The following FRYL variants were observed in gnomAD, a reference collection of about 807,000 sequenced individuals.
The protein encoded by FRYL is protein furry homolog-like.
FRYL carries 150 observed loss-of-function variants against 351.2 expected under a neutral mutation model. The observed-to-expected ratio is 0.43, with a 90% CI of 0.37 to 0.49. FRYL has a LOEUF of 0.49. Among genes scored for constraint, FRYL ranks in the 20% least tolerant of loss-of-function variants. The probability of loss-of-function intolerance (pLI) is 0.00; values close to 1 mark genes in which losing one functional copy is unlikely to be tolerated. For synonymous variants in FRYL, 1,153 were observed against 1,257.1 expected (o/e 0.92, Z 1.75); for missense variants, 3,036 against 3,619.3 (o/e 0.84, Z 4.13).
intron 1 of FRYL, 94 bp from the exon 2 acceptor site, chr4:48,710,792 A>T: frequency 2.6e-6 from 1 of 389,460 alleles, no homozygotes; most frequent in Non-Finnish European, 4.5e-6. Flanking sequence ...CACTAATCAA[A>T]AGTCTGCAAG....
chr4:48,535,793 T>C lies in FRYL; in HGVS notation c.6428A>G (p.Asn2143Ser), dbSNP rs1280081850. ...GTACAAACTCATCATGTGTGCCAGATTGACAAGTGTTGGGCATTTTTCTTC... is the reference window on the plus strand; with the variant it reads ...GTACAAACTCATCATGTGTGCCAGACTGACAAGTGTTGGGCATTTTTCTTC... Reference protein sequence around the residue: ...CAEEKCPTLVNLAHMMSLYST... With the variant: ...CAEEKCPTLVSLAHMMSLYST... The change falls in exon 48 of 64, where the codon AAT becomes AGT. Residue 2143 changes from asparagine to serine, a missense_variant. Around this residue, in one of 7 missense-constraint regions of FRYL, gnomAD observed 1,987 missense variants for 2,311.7 expected, o/e 0.86. Coordinates refer to ENST00000358350, the MANE Select transcript of FRYL (RefSeq NM_015030.2). 22 of 1,563,288 alleles carry C rather than the reference T, an allele frequency of 1.4e-5. No individual in the cohort carries two copies. Among genetic ancestry groups the C allele is most frequent in the Admixed American group, 3.6e-5 (2 of 55,590 alleles).
intron 3 of FRYL, among the ~76,000 whole-genome samples, chr4:48,646,627 C>T (rs1481734289): frequency 6.6e-6 from 1 of 152,138 alleles, no homozygotes; most frequent in Non-Finnish European, 1.5e-5. Flanking sequence ...GAAAAGAAGA[C>T]TAAGAGTTTG....
chr4:48,549,699 AC>A lies in FRYL; in HGVS notation c.4634-77del. ...ATAAGCAAACTCTAGTAAGATCCCA[AC>A]TATTTATATAGTATTGGAAAGTGAT... On this transcript the variant is annotated intron_variant, in intron 38 of 63. Coordinates refer to ENST00000358350, the MANE Select transcript of FRYL (RefSeq NM_015030.2). The surrounding 1 kb of genome is among the most constrained non-coding windows in gnomAD (Gnocchi z 4.2). 8.2e-7 allele frequency: 1 copy of A among 1,223,014 alleles called. No homozygotes were observed. Among genetic ancestry groups the A allele is most frequent in the Non-Finnish European group, 1.2e-6 (1 of 857,904 alleles). The allele number at this position is 1,223,014 out of a possible 1,614,324, so 75.8% of individuals were successfully genotyped here. A position where few individuals can be genotyped will look rare whatever the true frequency, so the allele number is the denominator to read the frequency against.
intron 3 of FRYL, among the ~76,000 whole-genome samples, chr4:48,656,117 CATAA>C (rs201457285): frequency 0.41 from 54,354 of 131,942 alleles, 12,051 homozygotes; most frequent in Admixed American, 0.55. Flanking sequence ...TACATATATA[CATAA>C]ATAATATATA....
At chr4:48,709,302 G>C (rs1767756609) in intron 2 of FRYL, among the ~76,000 whole-genome samples, 1 of 152,126 alleles carries the variant, frequency 6.6e-6, no homozygotes, top group Admixed American at 6.5e-5. Context: ...TTGCTAACAT[G>C]AAAATAATGG....
intron 44 of FRYL, among the ~76,000 whole-genome samples, chr4:48,543,005 C>T (rs1320840435): frequency 6.6e-6 from 1 of 152,166 alleles, no homozygotes; most frequent in Non-Finnish European, 1.5e-5. Context: ...GTGATTTGAA[C>T]CTACCTACCT....
At chr4:48,607,010 G>A (rs1031549787) in intron 9 of FRYL, among the ~76,000 whole-genome samples, 2 of 152,098 alleles carry the variant, frequency 1.3e-5, no homozygotes, top group African/African-American at 4.8e-5. Flanking sequence ...GCATATTGGA[G>A]ACTATAAATT....
At chr4:48,507,557 T>C (rs550115064) in intron 59 of FRYL, among the ~76,000 whole-genome samples, 2 of 96,126 alleles carry the variant, frequency 2.1e-5, no homozygotes, top group East Asian at 6.7e-4. Context: ...TAGAGAAAAG[T>C]ACCGGAGTGA....
chr4:48,616,702 A>G lies in FRYL; in HGVS notation c.411+2572T>C, dbSNP rs530256150. On this transcript the variant is annotated intron_variant, in intron 7 of 63. Coordinates refer to ENST00000358350, the MANE Select transcript of FRYL (RefSeq NM_015030.2). ...TCAAGATACAAATAATTTCTAATAC[A>G]TGAGGTCAAAGTCTAACCTATAAGG... Among the ~76,000 whole-genome samples, 69 of 152,248 alleles carry G rather than the reference A, an allele frequency of 4.5e-4. 1 individual carries two copies. Among genetic ancestry groups the G allele is most frequent in the Non-Finnish European group, 8.2e-4 (56 of 68,044 alleles).
chr4:48,690,045 C>T lies in FRYL; in HGVS notation c.-203-5250G>A, dbSNP rs538114479. Among the ~76,000 whole-genome samples the T allele has an allele frequency of 1.9e-4, 28 of 144,952 alleles. No homozygotes were observed. The South Asian group carries it at 3.6e-3, about 19-fold the overall frequency. On this transcript the variant is annotated intron_variant, in intron 2 of 63. Transcript: ENST00000358350. ...CCGACTAGCTGGGACTACAGGTGCC[C>T]GCCACCGTGCCCAGCTAATTTTTTT...
chr4:48,499,314 T>G lies in FRYL; in HGVS notation c.*108A>C. 1 of 926,022 alleles carries G rather than the reference T, an allele frequency of 1.1e-6. No homozygotes were observed. The highest frequency in any genetic ancestry group is 1.6e-5 in the South Asian group (1 of 61,136). 57.4% of individuals were successfully genotyped at this position (926,022 alleles called of 1,614,324 possible). A position where few individuals can be genotyped will look rare whatever the true frequency, so the allele number is the denominator to read the frequency against. On this transcript the variant is annotated 3_prime_UTR_variant, in exon 64 of 64. Coordinates refer to ENST00000358350, the MANE Select transcript of FRYL (RefSeq NM_015030.2). ...GTTTGACATTAGTTACACTAAAAAG[T>G]AGATGCTGCCAGAAAGTTATCAGTG...
At chr4:48,556,329 G>A (rs577989726) in intron 35 of FRYL, among the ~76,000 whole-genome samples, 1 of 152,130 alleles carries the variant, frequency 6.6e-6, no homozygotes, top group East Asian at 1.9e-4. Flanking sequence ...TTAACCCTCA[G>A]GTTTCATAGT....
At chr4:48,694,220 A>G (rs549018999) in intron 2 of FRYL, among the ~76,000 whole-genome samples, 21 of 152,242 alleles carry the variant, frequency 1.4e-4, no homozygotes, top group South Asian at 6.2e-4. Context: ...GGTGGAGGAG[A>G]AGACACATTA....
intron 2 of FRYL, among the ~76,000 whole-genome samples, chr4:48,706,482 T>C (rs1246776982): frequency 6.6e-6 from 1 of 152,156 alleles, no homozygotes; most frequent in Non-Finnish European, 1.5e-5. Flanking sequence ...TGTCAGGGGC[T>C]GGGCAAAGAA....
intron 31 of FRYL, among the ~76,000 whole-genome samples, chr4:48,563,547 A>G (rs1722074847): frequency 6.6e-6 from 1 of 152,042 alleles, no homozygotes; most frequent in African/African-American, 2.4e-5. Context: ...TCGTCGCTAC[A>G]AAGAATTTAA....
chr4:48,774,294 T>C (rs1322585231), intron 1 of FRYL, among the ~76,000 whole-genome samples: 1 of 152,190 alleles, frequency 6.6e-6, no homozygotes, highest in Admixed American at 6.5e-5. Flanking sequence ...ACTTTAAAAT[T>C]TTAACTCTTC....
chr4:48,617,505 C>T (rs973957387), intron 7 of FRYL: 16 of 152,052 alleles, frequency 1.1e-4, no homozygotes, highest in Non-Finnish European at 2.2e-4. Flanking sequence ...CATACCACCA[C>T]ACCCAGATAA....
chr4:48,606,988 G>A (rs1285014787), intron 9 of FRYL, among the ~76,000 whole-genome samples: 1 of 152,122 alleles, frequency 6.6e-6, no homozygotes, highest in Non-Finnish European at 1.5e-5. Flanking sequence ...TCTGCAATTA[G>A]TTATATGGAG....
At chr4:48,585,542 G>T (rs1741928931) in intron 19 of FRYL, among the ~76,000 whole-genome samples, 1 of 152,242 alleles carries the variant, frequency 6.6e-6, no homozygotes, top group Non-Finnish European at 1.5e-5. Context: ...TATAGTCATT[G>T]TATTTGTTTT....
Sources: allele counts gnomAD v4.1 joint callset (sites outside exome capture counted in the v4.1 genomes callset), GRCh38; gene constraint gnomAD v4.1.1; regional missense constraint gnomAD v4.1.1; non-coding constraint Gnocchi (gnomAD v3.1); transcripts MANE v1.5; gene names NCBI Gene and HGNC (gene_info 2026-07-23, HGNC 2026-07-21).